LTBP1: variants seen among roughly 807,000 people sequenced by gnomAD.
LTBP1 encodes latent-transforming growth factor beta-binding protein 1.
LTBP1 carries 129 observed loss-of-function variants against 207.6 expected under a neutral mutation model. The observed-to-expected ratio is 0.62, with a 90% CI of 0.54 to 0.72. The LOEUF (loss-of-function observed/expected upper bound fraction) is 0.72, where lower values mean the gene tolerates loss of function less well. Ranked by LOEUF, LTBP1 falls within the 30% of genes least tolerant of loss-of-function variation. The probability of loss-of-function intolerance (pLI) is 0.00; values close to 1 mark genes in which losing one functional copy is unlikely to be tolerated. For missense variants in LTBP1, 2,281 were observed against 2,217.2 expected (o/e 1.03, Z -0.58); for synonymous variants, 963 against 833.7 (o/e 1.16, Z -2.67).
intron 3 of LTBP1, among the ~76,000 whole-genome samples, chr2:33,071,180 CCACTT>C (rs1157919544): frequency 6.6e-6 from 1 of 152,130 alleles, no homozygotes; most frequent in African/African-American, 2.4e-5. Context: ...GTCGTTCAGG[CCACTT>C]CCAAGCTTAC....
Position 33,326,174 on chromosome 2 carries a change from T to C in LTBP1, c.3730+10905T>C, listed in dbSNP as rs528087035. 2.0e-5 allele frequency among the ~76,000 whole-genome samples: 3 copies of C among 152,330 alleles called. No individual in the cohort carries two copies. In the South Asian group the frequency reaches 6.2e-4, roughly 32 times the overall value. ...TTAAAATGTCCCAGATACTCAGTTT[T>C]GAATTTTCATGTATAATATCAAGGT... On this transcript the variant is annotated intron_variant, in intron 24 of 33. Coordinates refer to ENST00000404816, the MANE Select transcript of LTBP1 (RefSeq NM_206943.4).
chr2:33,109,935 A>G (rs2080293891), intron 3 of LTBP1, among the ~76,000 whole-genome samples: 1 of 152,236 alleles, frequency 6.6e-6, no homozygotes, highest in Admixed American at 6.5e-5. Context: ...ACTGTATCAT[A>G]CAGCTTTAAT....
chr2:33,007,581 G>T (rs972499747), intron 2 of LTBP1, among the ~76,000 whole-genome samples: 2 of 152,214 alleles, frequency 1.3e-5, no homozygotes, highest in Admixed American at 1.3e-4. Context: ...GGTTAAATGT[G>T]AGAAAGAAAG....
At chr2:33,274,893 T>C in intron 16 of LTBP1, 72 bp from the exon 17 acceptor site, 5 of 1,469,964 alleles carry the variant, frequency 3.4e-6, no homozygotes, top group Non-Finnish European at 3.8e-6. Flanking sequence ...AGTATGATGG[T>C]ATTTTACAGA....
intron 2 of LTBP1, among the ~76,000 whole-genome samples, chr2:32,952,643 GT>G (rs922820438): frequency 1.5e-3 from 224 of 150,044 alleles, no homozygotes; most frequent in Non-Finnish European, 1.7e-3. Flanking sequence ...CATTTTTGTA[GT>G]TTTTTTTTTC....
At chr2:33,051,476 G>A (rs949008054) in intron 3 of LTBP1, among the ~76,000 whole-genome samples, 2 of 152,164 alleles carry the variant, frequency 1.3e-5, no homozygotes, top group African/African-American at 2.4e-5. Flanking sequence ...ATATTACTGA[G>A]TGAGGATTGC....
chr2:32,998,460 G>C (rs2148943475), intron 2 of LTBP1, among the ~76,000 whole-genome samples: 1 of 126,362 alleles, frequency 7.9e-6, no homozygotes, highest in East Asian at 2.7e-4. Context: ...AGGTTGCAAT[G>C]AGCCAAGATC....
chr2:33,185,308 G>A (rs533733568), intron 5 of LTBP1, among the ~76,000 whole-genome samples: 45 of 152,082 alleles, frequency 3.0e-4, no homozygotes, highest in Non-Finnish European at 5.3e-4. Context: ...AAAATGAGGG[G>A]GCAGCACCCA....
intron 31 of LTBP1, among the ~76,000 whole-genome samples, chr2:33,388,532 G>A (rs1344550916): frequency 6.6e-6 from 1 of 152,174 alleles, no homozygotes; most frequent in Non-Finnish European, 1.5e-5. Flanking sequence ...GCATCGATGT[G>A]TATTAAGTGC....
chr2:33,146,591 G>T (rs1486674608), intron 5 of LTBP1, among the ~76,000 whole-genome samples: 1 of 152,136 alleles, frequency 6.6e-6, no homozygotes, highest in Admixed American at 6.5e-5. Flanking sequence ...CCTGAGACTG[G>T]GTAGGTTTCA....
intron 15 of LTBP1, among the ~76,000 whole-genome samples, chr2:33,269,031 T>C (rs1481589779): frequency 1.3e-5 from 2 of 152,216 alleles, no homozygotes; most frequent in Non-Finnish European, 2.9e-5. Context: ...CTCAATAAAC[T>C]GTGTATGCGG....
intron 5 of LTBP1, among the ~76,000 whole-genome samples, chr2:33,146,625 AG>A (rs1384691324): frequency 1.2e-4 from 19 of 152,374 alleles, no homozygotes; most frequent in Admixed American, 3.3e-4. Context: ...AGGAACTCAC[AG>A]TTCCGCAAGC....
chr2:33,083,978 G>T (rs1423315203), intron 3 of LTBP1, among the ~76,000 whole-genome samples: 1 of 152,182 alleles, frequency 6.6e-6, no homozygotes, highest in African/African-American at 2.4e-5. Flanking sequence ...GGGGCCCCCA[G>T]ACTGGTAATA....
chr2:33,036,370 C>T (rs2075919593), intron 3 of LTBP1, among the ~76,000 whole-genome samples: 1 of 152,042 alleles, frequency 6.6e-6, no homozygotes, highest in Non-Finnish European at 1.5e-5. Context: ...CCCATTATGT[C>T]AGTATACTAC....
In LTBP1 at chr2:33,298,592, C is replaced by A. The variant is rs182268574; in HGVS notation, c.3236-1859C>A. ...AGAATGTGCTAAAAGAAAATAGTGACGTAGGCTGATCTTTGCTGGCAACCA... is the reference window on the plus strand; with the variant it reads ...AGAATGTGCTAAAAGAAAATAGTGAAGTAGGCTGATCTTTGCTGGCAACCA... On this transcript the variant is annotated intron_variant, in intron 20 of 33. Coordinates refer to ENST00000404816, the MANE Select transcript of LTBP1 (RefSeq NM_206943.4). 5.9e-5 allele frequency among the ~76,000 whole-genome samples: 9 copies of A among 152,244 alleles called. No homozygotes were observed. The East Asian group carries it at 1.5e-3, about 26-fold the overall frequency.
chr2:33,180,454 GT>G (rs5830252), intron 5 of LTBP1, among the ~76,000 whole-genome samples: 61,311 of 131,730 alleles, frequency 0.47, 13,506 homozygotes, highest in East Asian at 0.54. Context: ...GCGTGGCATA[GT>G]TTTTTTTTTT....
chr2:33,201,263 G>C (rs956162041), intron 7 of LTBP1, among the ~76,000 whole-genome samples: 1 of 152,112 alleles, frequency 6.6e-6, no homozygotes, highest in African/African-American at 2.4e-5. Flanking sequence ...TTAAGAAAAT[G>C]TGGCACATAT....
chr2:33,071,580 G>C (rs1487333166), intron 3 of LTBP1, among the ~76,000 whole-genome samples: 1 of 152,092 alleles, frequency 6.6e-6, no homozygotes, highest in African/African-American at 2.4e-5. Context: ...GAATCAGAAG[G>C]GTGTGGTCCA....
At chr2:33,281,995 G>C (rs2093567387) in intron 19 of LTBP1, among the ~76,000 whole-genome samples, 1 of 151,122 alleles carries the variant, frequency 6.6e-6, no homozygotes, top group Non-Finnish European at 1.5e-5. Flanking sequence ...GAATGTGACT[G>C]ATCAAATTGG....
Sources: gnomAD v4.1 joint callset for allele counts (sites outside exome capture counted in the v4.1 genomes callset) on GRCh38, gnomAD v4.1.1 for gene constraint, MANE v1.5 for transcripts, NCBI Gene and HGNC (gene_info 2026-07-23, HGNC 2026-07-21) for gene names.